The following NEDD8 variants were observed in gnomAD, a reference collection of about 807,000 sequenced individuals.
NEDD8 encodes the protein NEDD8 ubiquitin like modifier.
Under a neutral mutation model 13.8 loss-of-function variants are expected in NEDD8, and 1 was observed. The observed-to-expected ratio is 0.07, with a 90% CI of 0.03 to 0.34. NEDD8 has a LOEUF of 0.34. Ranked by LOEUF, NEDD8 falls within the 10% of genes least tolerant of loss-of-function variation. NEDD8 has a pLI of 0.99. For missense variants in NEDD8, 10 were observed against 95.2 expected (o/e 0.10, Z 3.73); for synonymous variants, 31 against 33.2 (o/e 0.93, Z 0.23).
At chr14:24,223,531 A>G (rs1036328934) in intron 1 of NEDD8, among the ~76,000 whole-genome samples, 4 of 152,122 alleles carry the variant, frequency 2.6e-5, no homozygotes, top group African/African-American at 4.8e-5. Flanking sequence ...AACATACTTA[A>G]AAGTTTTTTA....
At chr14:24,223,541 ATATT>A (rs754642504) in intron 1 of NEDD8, among the ~76,000 whole-genome samples, 18 of 152,006 alleles carry the variant, frequency 1.2e-4, no homozygotes, top group South Asian at 6.2e-4. Context: ...AAAGTTTTTT[ATATT>A]TATTTATTTA....
At chr14:24,219,759 A>G (rs2039771497) in intron 1 of NEDD8, among the ~76,000 whole-genome samples, 1 of 152,110 alleles carries the variant, frequency 6.6e-6, no homozygotes, top group Non-Finnish European at 1.5e-5. Flanking sequence ...TGCTCATTCT[A>G]ATTTATGGGC....
chr14:24,217,074 T>TC lies in NEDD8; in HGVS notation c.*52_*53insG, dbSNP rs2039715520. The TC allele has an allele frequency of 7.1e-6, 10 of 1,415,718 alleles. No homozygotes were observed. The highest frequency in any genetic ancestry group is 9.9e-6 in the Non-Finnish European group (10 of 1,013,392). The allele number at this position is 1,415,718 out of a possible 1,614,324, so 87.7% of individuals were successfully genotyped here. ...TATGGTGTCCCAGAGAGTGAGAGGA[T>TC]ATATGATGCCTCATTATGAGCGACA... On this transcript the variant is annotated 3_prime_UTR_variant, in exon 4 of 4. Coordinates refer to ENST00000250495, the MANE Select transcript of NEDD8 (RefSeq NM_006156.3).
At position 24,219,414 on chromosome 14, in the gene NEDD8, T is replaced by TA. The variant is rs2039762047; in HGVS notation, c.19-984dup. On this transcript the variant is annotated intron_variant, in intron 1 of 3. Transcript: ENST00000250495. ...GGGAGGATCACTTGAGTCCAGAAAT[T>TA]AGAGGCAGCAGCAGTAAGCCACGAT... 3.0e-5 allele frequency among the ~76,000 whole-genome samples: 4 copies of TA among 131,478 alleles called. No homozygotes were observed. In the Admixed American group the frequency reaches 3.8e-4, roughly 12 times the overall value. The allele number at this position is 131,478 out of a possible 152,430, so 86.3% of individuals were successfully genotyped here.
At chr14:24,227,031 A>T (rs534209850) in intron 1 of NEDD8, 5 of 152,234 alleles carry the variant, frequency 3.3e-5, no homozygotes, top group Non-Finnish European at 7.4e-5. Context: ...CACAGATTAC[A>T]GTAGACATTA....
intron 1 of NEDD8, among the ~76,000 whole-genome samples, chr14:24,223,932 A>G (rs2039848323): frequency 6.7e-6 from 1 of 149,312 alleles, no homozygotes; most frequent in Admixed American, 6.7e-5. Flanking sequence ...TATTATTTTT[A>G]TTTTTATTTT....
chr14:24,220,315 T>C (rs1428327514), intron 1 of NEDD8, among the ~76,000 whole-genome samples: 2 of 152,146 alleles, frequency 1.3e-5, no homozygotes, highest in Admixed American at 1.3e-4. Flanking sequence ...TACTGAAAAC[T>C]ATTTTTTTCC....
chr14:24,229,713 T>C (rs1200487562), intron 1 of NEDD8, among the ~76,000 whole-genome samples: 1 of 152,174 alleles, frequency 6.6e-6, no homozygotes, highest in African/African-American at 2.4e-5. Context: ...ACAAAACACT[T>C]AGCATTAGTA....
At chr14:24,225,120 C>G (rs778428837) in intron 1 of NEDD8, among the ~76,000 whole-genome samples, 4 of 139,006 alleles carry the variant, frequency 2.9e-5, no homozygotes. Context: ...AGTAGTGAGC[C>G]AAGATTACAC....
chr14:24,225,727 T>C (rs749157483), intron 1 of NEDD8, among the ~76,000 whole-genome samples: 8 of 152,148 alleles, frequency 5.3e-5, no homozygotes, highest in Non-Finnish European at 8.8e-5. Flanking sequence ...ATACATTCAA[T>C]GCTATTTAAA....
chr14:24,227,065 C>T (rs2138902253), intron 1 of NEDD8: 1 of 152,238 alleles, frequency 6.6e-6, no homozygotes, highest in East Asian at 1.9e-4. Flanking sequence ...AAGCCAGATA[C>T]AAAAATTGTA....
chr14:24,224,223 C>T (rs2039854868), intron 1 of NEDD8, among the ~76,000 whole-genome samples: 1 of 152,208 alleles, frequency 6.6e-6, no homozygotes. Flanking sequence ...GCCACCGCGC[C>T]CAGCCAATTT....
intron 1 of NEDD8, among the ~76,000 whole-genome samples, chr14:24,226,419 C>T (rs1286779241): frequency 6.7e-6 from 1 of 148,278 alleles, no homozygotes; most frequent in Non-Finnish European, 1.5e-5. Flanking sequence ...GCACTCCAGC[C>T]TGGGTGACAG....
At chr14:24,219,955 C>A (rs2138884306) in intron 1 of NEDD8, among the ~76,000 whole-genome samples, 1 of 152,304 alleles carries the variant, frequency 6.6e-6, no homozygotes, top group South Asian at 2.1e-4. Context: ...GCCTGGCCAA[C>A]ATGGAGAAAG....
At chr14:24,229,162 T>C (rs1234872699) in intron 1 of NEDD8, among the ~76,000 whole-genome samples, 6 of 152,232 alleles carry the variant, frequency 3.9e-5, no homozygotes, top group East Asian at 1.9e-4. Context: ...CCACAGGTGA[T>C]AGGACACTGT....
At position 24,217,893 on chromosome 14, in the gene NEDD8, ATTTG is replaced by A. The variant is rs1169896357; in HGVS notation, c.149+236_149+239del. On this transcript the variant is annotated intron_variant, in intron 3 of 3. Transcript: ENST00000250495. ...AAGTACATATATTACTATATCACAA[ATTTG>A]TTTTAGTATTTTAATAACTATTTCA... 35 of 436,686 alleles carry A rather than the reference ATTTG, an allele frequency of 8.0e-5. No individual in the cohort carries two copies. The East Asian group carries it at 1.2e-3, about 15-fold the overall frequency. The allele number at this position is 436,686 out of a possible 1,614,324, so 27.1% of individuals were successfully genotyped here. A position where few individuals can be genotyped will look rare whatever the true frequency, so the allele number is the denominator to read the frequency against.
intron 1 of NEDD8, among the ~76,000 whole-genome samples, chr14:24,221,287 C>CT (rs35302229): frequency 0.049 from 6,827 of 140,284 alleles, 329 homozygotes; most frequent in East Asian, 0.21. Context: ...ATTTCACTTT[C>CT]TTTTTTTTTT....
At chr14:24,229,977 G>T (rs904311619) in intron 1 of NEDD8, among the ~76,000 whole-genome samples, 2 of 151,996 alleles carry the variant, frequency 1.3e-5, no homozygotes, top group Admixed American at 1.3e-4. Context: ...AGCTGAGGCA[G>T]GAGAATCGCT....
chr14:24,225,849 G>C (rs1369257616), intron 1 of NEDD8, among the ~76,000 whole-genome samples: 1 of 152,084 alleles, frequency 6.6e-6, no homozygotes, highest in Non-Finnish European at 1.5e-5. Context: ...GGCCAGCCTG[G>C]ATAACATGAT....
Sources: gnomAD v4.1 joint callset for allele counts (sites outside exome capture counted in the v4.1 genomes callset) on GRCh38, gnomAD v4.1.1 for gene constraint, MANE v1.5 for transcripts, NCBI Gene and HGNC (gene_info 2026-07-23, HGNC 2026-07-21) for gene names.